The following RAD51B variants were observed in gnomAD, a reference collection of about 807,000 sequenced individuals.
RAD51B encodes the protein DNA repair protein RAD51 homolog 2.
In RAD51B, 38 loss-of-function variants were observed where a neutral mutation model predicts 42.2. The ratio of observed to expected loss-of-function variants is 0.90; its 90% CI spans 0.70 to 1.18. The LOEUF is 1.18. RAD51B is among the 50% of genes most tolerant of loss of function. RAD51B has a pLI of 0.00. For missense variants in RAD51B, 373 were observed against 400.7 expected (o/e 0.93, Z 0.59); for synonymous variants, 154 against 145.2 (o/e 1.06, Z -0.43).
In RAD51B at chr14:68,171,776, G is replaced by A. The variant is rs374493712; in HGVS notation, c.757-120108G>A. The stretch of plus-strand genomic sequence containing the variant: ...GGCTGGAGTGCAATGGGGCGATCTC[G>A]GTTCACTTTAACCTCTGCCTCCGGG... On this transcript the variant is annotated intron_variant, in intron 7 of 10. Coordinates refer to ENST00000471583, the MANE Select transcript of RAD51B (RefSeq NM_133510.4). Among the ~76,000 whole-genome samples the A allele has an allele frequency of 6.8e-4, 102 of 150,078 alleles. 2 individuals are homozygous for A. The South Asian group carries it at 0.022, about 32-fold the overall frequency.
At chr14:68,585,498 G>A (rs1365616079) in intron 10 of RAD51B, among the ~76,000 whole-genome samples, 1 of 152,194 alleles carries the variant, frequency 6.6e-6, no homozygotes, top group Non-Finnish European at 1.5e-5. Context: ...AGCCAAACAG[G>A]CTCCAAGTCA....
At chr14:68,439,153 T>TACACACACAC (rs10565900) in intron 9 of RAD51B, among the ~76,000 whole-genome samples, 2 of 119,182 alleles carry the variant, frequency 1.7e-5, no homozygotes, top group African/African-American at 3.3e-5. Flanking sequence ...TGTATTTTTG[T>TACACACACAC]ACACACACAC....
intron 7 of RAD51B, among the ~76,000 whole-genome samples, chr14:68,248,920 C>T (rs931056499): frequency 2.0e-5 from 3 of 152,222 alleles, no homozygotes; most frequent in African/African-American, 4.8e-5. Context: ...CTGGCACCCT[C>T]GCCTTTGTGT....
intron 7 of RAD51B, among the ~76,000 whole-genome samples, chr14:68,218,450 T>A (rs2079859058): frequency 6.6e-6 from 1 of 152,232 alleles, no homozygotes; most frequent in African/African-American, 2.4e-5. Flanking sequence ...TCAGTAGTAT[T>A]TTTGATACTC....
intron 7 of RAD51B, among the ~76,000 whole-genome samples, chr14:68,183,415 C>T (rs2079092999): frequency 6.6e-6 from 1 of 152,164 alleles, no homozygotes; most frequent in Non-Finnish European, 1.5e-5. Flanking sequence ...TTTCTAGCCA[C>T]ACTGGCAGCT....
intron 10 of RAD51B, among the ~76,000 whole-genome samples, chr14:68,530,127 A>C (rs1228928302): frequency 6.6e-6 from 1 of 151,394 alleles, no homozygotes. Flanking sequence ...AAACCTATCT[A>C]CCTCAAGGAT....
chr14:68,601,048 G>A (rs1476581213), intron 10 of RAD51B, among the ~76,000 whole-genome samples: 3 of 152,174 alleles, frequency 2.0e-5, no homozygotes, highest in Non-Finnish European at 2.9e-5. Flanking sequence ...GCATTTGCTG[G>A]TAGTAAATAA....
chr14:67,925,082 A>G (rs2140142896), intron 7 of RAD51B, among the ~76,000 whole-genome samples: 1 of 152,334 alleles, frequency 6.6e-6, no homozygotes, highest in East Asian at 1.9e-4. Context: ...TAAAGCTCCA[A>G]AATGATCTCC....
intron 10 of RAD51B, among the ~76,000 whole-genome samples, chr14:68,641,884 A>G (rs893579023): frequency 1.4e-5 from 2 of 148,006 alleles, no homozygotes; most frequent in South Asian, 2.1e-4. Context: ...TTTTTAGCCC[A>G]TTGATGTGAT....
At chr14:68,224,023 CACAG>C (rs1332979255) in intron 7 of RAD51B, among the ~76,000 whole-genome samples, 1 of 152,194 alleles carries the variant, frequency 6.6e-6, no homozygotes, top group Admixed American at 6.5e-5. Flanking sequence ...AACACACATG[CACAG>C]ACAAAGAAGT....
At chr14:68,505,843 G>T (rs1007286721) in intron 10 of RAD51B, among the ~76,000 whole-genome samples, 1 of 152,186 alleles carries the variant, frequency 6.6e-6, no homozygotes, top group African/African-American at 2.4e-5. Flanking sequence ...GTGAGCGACC[G>T]CGCCCAGCCA....
intron 7 of RAD51B, among the ~76,000 whole-genome samples, chr14:67,930,436 C>T (rs1289690969): frequency 1.3e-5 from 2 of 151,522 alleles, no homozygotes; most frequent in African/African-American, 4.8e-5. Context: ...GACTTTATTT[C>T]TTCTTTATTT....
chr14:68,065,105 G>A (rs1045894751), intron 7 of RAD51B, among the ~76,000 whole-genome samples: 4 of 152,168 alleles, frequency 2.6e-5, no homozygotes, highest in Admixed American at 6.5e-5. Context: ...TTGTAGAGGG[G>A]CTTTCGTTGG....
At chr14:68,450,099 G>T (rs1030512211) in intron 9 of RAD51B, among the ~76,000 whole-genome samples, 3 of 151,476 alleles carry the variant, frequency 2.0e-5, no homozygotes, top group East Asian at 3.9e-4. Context: ...CAAGCCCAAG[G>T]TTGCTGTGTG....
At chr14:67,968,289 G>T (rs1207394173) in intron 7 of RAD51B, among the ~76,000 whole-genome samples, 2 of 152,220 alleles carry the variant, frequency 1.3e-5, no homozygotes, top group East Asian at 3.9e-4. Flanking sequence ...GCTCTGGAGA[G>T]ATTTTCCCCA....
chr14:68,458,699 T>C (rs1011716806), intron 9 of RAD51B, among the ~76,000 whole-genome samples: 5 of 149,346 alleles, frequency 3.3e-5, no homozygotes, highest in African/African-American at 1.2e-4. Context: ...TTATATTGTA[T>C]ATTATTATTT....
At chr14:68,036,319 A>C (rs2076121661) in intron 7 of RAD51B, among the ~76,000 whole-genome samples, 1 of 152,202 alleles carries the variant, frequency 6.6e-6, no homozygotes. Context: ...AACATCTCCT[A>C]ATTCTGGCCC....
In RAD51B at chr14:68,425,972, C is replaced by CTTTCTTTCTTTCTTTCTTTG. The variant is rs1201664663; in HGVS notation, c.957+14451_957+14452insTCTTTCTTTCTTTGTTTCTT. Among the ~76,000 whole-genome samples, 4 of 121,068 alleles carry CTTTCTTTCTTTCTTTCTTTG rather than the reference C, an allele frequency of 3.3e-5. No individual in the cohort carries two copies. The East Asian group carries it at 6.6e-4, about 20-fold the overall frequency. 79.4% of individuals were successfully genotyped at this position (121,068 alleles called of 152,430 possible). ...TCTTTCTTTCTTTCTTTCTTTCTTT[C>CTTTCTTTCTTTCTTTCTTTG]TTTCTTCCTTCCTTCCTTCCTTCCT... On this transcript the variant is annotated intron_variant, in intron 9 of 10. Transcript: ENST00000471583.
intron 8 of RAD51B, among the ~76,000 whole-genome samples, chr14:68,359,322 A>G (rs1422311665): frequency 1.3e-5 from 2 of 152,174 alleles, no homozygotes; most frequent in Admixed American, 1.3e-4. Flanking sequence ...GAAAGCTCAT[A>G]AAGTCTCCCT....
Sources: gnomAD v4.1 joint callset for allele counts (sites outside exome capture counted in the v4.1 genomes callset) on GRCh38, gnomAD v4.1.1 for gene constraint, MANE v1.5 for transcripts, NCBI Gene and HGNC (gene_info 2026-07-23, HGNC 2026-07-21) for gene names.